RBMS3: variants seen among roughly 807,000 people sequenced by gnomAD.
RBMS3 encodes RNA binding motif single stranded interacting protein 3.
In RBMS3, 27 loss-of-function variants were observed where a neutral mutation model predicts 66.8. The observed-to-expected ratio is 0.40, with a 90% CI of 0.30 to 0.56. The LOEUF is 0.56. RBMS3 is among the 20% of genes least tolerant of loss of function. The pLI, the probability that RBMS3 is intolerant of heterozygous loss-of-function variation, is 0.40. For missense variants in RBMS3, 513 were observed against 549.5 expected, an observed-to-expected ratio of 0.93 and a Z score of 0.66; for synonymous variants, 188 against 183.0, an observed-to-expected ratio of 1.03 and a Z score of -0.22.
intron 10 of RBMS3, among the ~76,000 whole-genome samples, chr3:29,913,807 C>T (rs1415379277): frequency 6.6e-6 from 1 of 151,804 alleles, no homozygotes; most frequent in Non-Finnish European, 1.5e-5. Flanking sequence ...TTTATCTTGT[C>T]TTGTATCTCT....
chr3:29,451,442 C>T (rs895323021), intron 2 of RBMS3, among the ~76,000 whole-genome samples: 1 of 152,082 alleles, frequency 6.6e-6, no homozygotes, highest in African/African-American at 2.4e-5. Flanking sequence ...AATTTGGGGA[C>T]ATCAGGAAAT....
chr3:29,755,212 G>A (rs2055354700), intron 5 of RBMS3, among the ~76,000 whole-genome samples: 1 of 152,000 alleles, frequency 6.6e-6, no homozygotes, highest in Admixed American at 6.6e-5. Flanking sequence ...AGAAACATTG[G>A]TCTGGCTAAA....
rs755590204 is a variant in RBMS3, at chr3:29,434,916, G to A, written c.248+1G>A. Reference sequence around the variant, plus strand: ...AGGACCTAATCAAGCTGTGCCAACCGTAAGTGTCCTTCTGCTGCCCGTGCT... The same window carrying A: ...AGGACCTAATCAAGCTGTGCCAACCATAAGTGTCCTTCTGCTGCCCGTGCT... On this transcript the variant is annotated splice_donor_variant, in intron 2 of 14. Coordinates refer to ENST00000383767, the MANE Select transcript of RBMS3 (RefSeq NM_001003793.3). LOFTEE classifies it high-confidence loss of function. 2 of 1,611,264 alleles carry A rather than the reference G, an allele frequency of 1.2e-6. No individual in the cohort carries two copies. Among genetic ancestry groups the A allele is most frequent in the Admixed American group, 1.7e-5 (1 of 59,812 alleles).
At chr3:29,850,117 A>C (rs2058894080) in intron 6 of RBMS3, among the ~76,000 whole-genome samples, 1 of 152,170 alleles carries the variant, frequency 6.6e-6, no homozygotes, top group Non-Finnish European at 1.5e-5. Context: ...TAGAGGACAA[A>C]GCATGGGGGT....
At chr3:29,351,615 A>G (rs2125559607) in intron 1 of RBMS3, among the ~76,000 whole-genome samples, 1 of 152,174 alleles carries the variant, frequency 6.6e-6, no homozygotes, top group Middle Eastern at 3.4e-3. Flanking sequence ...TAGATTAAGG[A>G]AAATACATAT....
intron 1 of RBMS3, among the ~76,000 whole-genome samples, chr3:29,360,415 T>C (rs1408422539): frequency 6.6e-6 from 1 of 152,030 alleles, no homozygotes; most frequent in Non-Finnish European, 1.5e-5. Context: ...TGAGAGACAG[T>C]TTGTTGTGCT....
intron 4 of RBMS3, among the ~76,000 whole-genome samples, chr3:29,592,463 A>G (rs908309668): frequency 6.6e-6 from 1 of 152,196 alleles, no homozygotes; most frequent in Admixed American, 6.5e-5. Flanking sequence ...GTGAGATACC[A>G]TCTCACACCA....
At chr3:29,657,792 TG>T (rs2050378880) in intron 4 of RBMS3, among the ~76,000 whole-genome samples, 1 of 152,194 alleles carries the variant, frequency 6.6e-6, no homozygotes, top group South Asian at 2.1e-4. Context: ...TTATATGATG[TG>T]ACTCTTAATG....
intron 4 of RBMS3, among the ~76,000 whole-genome samples, chr3:29,645,419 A>G (rs1050561725): frequency 1.3e-5 from 2 of 152,214 alleles, no homozygotes; most frequent in African/African-American, 4.8e-5. Flanking sequence ...ATGTCCCAGG[A>G]CAGAAGGGTC....
intron 2 of RBMS3, among the ~76,000 whole-genome samples, chr3:29,479,110 T>A (rs887448550): frequency 6.6e-6 from 1 of 152,130 alleles, no homozygotes; most frequent in Non-Finnish European, 1.5e-5. Context: ...ATATAAGCAA[T>A]ATAACTTAAG....
At chr3:29,599,407 A>G (rs774103252) in intron 4 of RBMS3, among the ~76,000 whole-genome samples, 43 of 151,968 alleles carry the variant, frequency 2.8e-4, no homozygotes, top group Non-Finnish European at 5.0e-4. Flanking sequence ...TTAAAAAAAA[A>G]AGATAAATCT....
At chr3:29,437,819 T>C (rs2041456976) in intron 2 of RBMS3, among the ~76,000 whole-genome samples, 1 of 152,222 alleles carries the variant, frequency 6.6e-6, no homozygotes, top group Non-Finnish European at 1.5e-5. Context: ...TTATGTTTTC[T>C]TCATTCTAAA....
Position 29,406,754 on chromosome 3 carries a change from CT to C in RBMS3, c.76-27982del, listed in dbSNP as rs368828409. 7.8e-3 allele frequency among the ~76,000 whole-genome samples: 1,186 copies of C among 152,208 alleles called. 15 individuals carry two copies. Among genetic ancestry groups the C allele is most frequent in the African/African-American group, 0.026 (1,094 of 41,526 alleles). The stretch of plus-strand genomic sequence containing the variant: ...ACAAACATATATTTATAGTTTAATA[CT>C]TTTTTTCATTAAACTAATTTTTTAG... On this transcript the variant is annotated intron_variant, in intron 1 of 14. Coordinates refer to ENST00000383767, the MANE Select transcript of RBMS3 (RefSeq NM_001003793.3).
At chr3:29,854,599 G>A (rs1398448567) in intron 6 of RBMS3, among the ~76,000 whole-genome samples, 1 of 152,184 alleles carries the variant, frequency 6.6e-6, no homozygotes, top group African/African-American at 2.4e-5. Flanking sequence ...AGAAAGGAAG[G>A]TTGACTTGAT....
At chr3:29,576,064 G>A (rs775661962) in intron 3 of RBMS3, among the ~76,000 whole-genome samples, 9 of 152,028 alleles carry the variant, frequency 5.9e-5, no homozygotes, top group Non-Finnish European at 1.2e-4. Flanking sequence ...ATGCTTGTAG[G>A]TGTTCATAGG....
chr3:29,677,287 T>A (rs750128490), intron 4 of RBMS3, among the ~76,000 whole-genome samples: 5 of 152,132 alleles, frequency 3.3e-5, no homozygotes, highest in Non-Finnish European at 5.9e-5. Context: ...TTGATGTTTG[T>A]TTTCTTCCGA....
intron 6 of RBMS3, among the ~76,000 whole-genome samples, chr3:29,829,134 T>C (rs1372378029): frequency 1.3e-5 from 2 of 152,034 alleles, no homozygotes; most frequent in Non-Finnish European, 2.9e-5. Context: ...AACCTCTGCC[T>C]CCCAGGTTCA....
intron 8 of RBMS3, among the ~76,000 whole-genome samples, chr3:29,892,722 C>T (rs2149594293): frequency 6.6e-6 from 1 of 151,482 alleles, no homozygotes; most frequent in South Asian, 2.1e-4. Flanking sequence ...ATACAAAAAA[C>T]ATAAATTCAT....
intron 2 of RBMS3, among the ~76,000 whole-genome samples, chr3:29,439,964 A>C (rs575559575): frequency 6.6e-5 from 10 of 152,338 alleles, no homozygotes; most frequent in Admixed American, 4.6e-4. Flanking sequence ...GGAAGACCAG[A>C]CGGAAGTCGG....
Sources: gnomAD v4.1 joint callset for allele counts (sites outside exome capture counted in the v4.1 genomes callset) on GRCh38, gnomAD v4.1.1 for gene constraint, MANE v1.5 for transcripts, NCBI Gene and HGNC (gene_info 2026-07-23, HGNC 2026-07-21) for gene names.